Variants in CASK observed in about 807,000 individuals in gnomAD.
The protein encoded by CASK is calcium/calmodulin dependent serine protein kinase.
In CASK, 4 loss-of-function variants were observed where a neutral mutation model predicts 82.9. The observed-to-expected ratio is 0.05, with a 90% CI of 0.02 to 0.11. The LOEUF is 0.11. CASK is among the 10% of genes least tolerant of loss of function. The pLI is 1.00. For synonymous variants in CASK, 259 were observed against 253.5 expected, an observed-to-expected ratio of 1.02 and a Z score of -0.20; for missense variants, 358 against 720.9, an observed-to-expected ratio of 0.50 and a Z score of 5.76.
chrX:41,650,798 T>C (rs1471676534), intron 8 of CASK, among the ~76,000 whole-genome samples: 1 of 111,362 alleles, frequency 9.0e-6, no homozygotes, highest in Non-Finnish European at 1.9e-5. Flanking sequence ...TTTTCATATT[T>C]AAATTTCAAC....
At position 41,811,639 on chromosome X, in the gene CASK, G is replaced by A. The variant is rs2070289219; in HGVS notation, c.173-24356C>T. ...TAAATGCCCACAAGAGAAAGCAGGAGAGATCTAAAATTGACACCCTAATAT... is the reference window on the plus strand; with the variant it reads ...TAAATGCCCACAAGAGAAAGCAGGAAAGATCTAAAATTGACACCCTAATAT... On this transcript the variant is annotated intron_variant, in intron 2 of 26. Transcript: ENST00000378163. Among the ~76,000 whole-genome samples, 4 of 112,265 alleles carry A rather than the reference G, an allele frequency of 3.6e-5. No homozygotes were observed. In the Admixed American group the frequency reaches 3.8e-4, roughly 11 times the overall value.
At chrX:41,873,905 C>T (rs1041945239) in intron 1 of CASK, among the ~76,000 whole-genome samples, 3 of 107,920 alleles carry the variant, frequency 2.8e-5, no homozygotes, top group Non-Finnish European at 3.8e-5. Flanking sequence ...TTCTTCCTGC[C>T]TCAGCCTCCT....
chrX:41,611,858 C>A (rs1335010925), intron 11 of CASK, among the ~76,000 whole-genome samples: 1 of 111,076 alleles, frequency 9.0e-6, no homozygotes, highest in Non-Finnish European at 1.9e-5. Context: ...GCCGCCACGC[C>A]TGACTGGTTT....
chrX:41,723,923 T>C (rs1425233686), intron 5 of CASK, among the ~76,000 whole-genome samples: 3 of 111,756 alleles, frequency 2.7e-5, no homozygotes, highest in Non-Finnish European at 3.8e-5. Context: ...AAACTGGCCA[T>C]GGGGGATTAA....
chrX:41,811,380 C>T (rs2070282017), intron 2 of CASK, among the ~76,000 whole-genome samples: 1 of 112,548 alleles, frequency 8.9e-6, no homozygotes, highest in South Asian at 3.6e-4. Context: ...GAAATTATAA[C>T]AAACTGTCTC....
At chrX:41,592,077 C>A (rs1312509314) in intron 12 of CASK, among the ~76,000 whole-genome samples, 2 of 109,448 alleles carry the variant, frequency 1.8e-5, no homozygotes, top group East Asian at 5.8e-4. Context: ...ATGGCAAAAC[C>A]CTGTCTCTGC....
At chrX:41,612,755 G>A (rs1464813576) in intron 11 of CASK, among the ~76,000 whole-genome samples, 1 of 90,070 alleles carries the variant, frequency 1.1e-5, no homozygotes, top group Non-Finnish European at 2.2e-5. Context: ...GGGAGGTGGG[G>A]GGGGGTCAAC....
chrX:41,799,723 C>A (rs2069950175), intron 2 of CASK, among the ~76,000 whole-genome samples: 1 of 104,799 alleles, frequency 9.5e-6, no homozygotes, highest in Non-Finnish European at 1.9e-5. Context: ...AGCATTTATT[C>A]AATAGAATCT....
At chrX:41,709,492 T>C (rs2067938089) in intron 5 of CASK, among the ~76,000 whole-genome samples, 1 of 111,582 alleles carries the variant, frequency 9.0e-6, no homozygotes, top group Non-Finnish European at 1.9e-5. Context: ...AGAGTCCATA[T>C]AAAACAGTAA....
At chrX:41,729,130 T>C (rs969301671) in intron 5 of CASK, 4 of 123,586 alleles carry the variant, frequency 3.2e-5, no homozygotes, top group Non-Finnish European at 5.6e-5. Flanking sequence ...TGTAATAGTA[T>C]TGCAGTTAAG....
intron 2 of CASK, among the ~76,000 whole-genome samples, chrX:41,794,446 T>C (rs939518439): frequency 1.4e-4 from 16 of 112,288 alleles, no homozygotes; most frequent in African/African-American, 4.9e-4. Flanking sequence ...AAAGGTGCAA[T>C]TGCTCTGTTG....
intron 2 of CASK, among the ~76,000 whole-genome samples, chrX:41,845,115 T>C (rs1049084456): frequency 8.9e-6 from 1 of 112,075 alleles, no homozygotes; most frequent in Non-Finnish European, 1.9e-5. Context: ...CTATCCTAGA[T>C]AATGTTCTAT....
rs2068665784 is a variant in CASK, at chrX:41,745,119, A to G, written c.356+405T>C. On this transcript the variant is annotated intron_variant, in intron 4 of 26. Transcript: ENST00000378163. ...TGCAACCTCCACCTCCTGGGTTCAA[A>G]CGATTCTCCTGCGTCAGCCTTCCGA... 2.7e-5 allele frequency among the ~76,000 whole-genome samples: 3 copies of G among 111,673 alleles called. 1 individual carries two copies. The South Asian group carries it at 1.1e-3, about 42-fold the overall frequency.
At chrX:41,857,795 T>A (rs748532191) in intron 1 of CASK, among the ~76,000 whole-genome samples, 1 of 112,184 alleles carries the variant, frequency 8.9e-6, no homozygotes, top group African/African-American at 3.2e-5. Context: ...ATACACACAC[T>A]GCTGTGAAAT....
chrX:41,640,106 A>G (rs1453450381), intron 8 of CASK, among the ~76,000 whole-genome samples: 1 of 112,028 alleles, frequency 8.9e-6, no homozygotes, highest in Non-Finnish European at 1.9e-5. Context: ...TGCCTGGGCT[A>G]TATGATAGGA....
At chrX:41,753,906 T>A (rs1348308560) in intron 3 of CASK, among the ~76,000 whole-genome samples, 3 of 111,711 alleles carry the variant, frequency 2.7e-5, no homozygotes, top group Non-Finnish European at 5.7e-5. Context: ...AATAAATAAA[T>A]TTTAAAGCAA....
rs760979749 is a variant in CASK at position 41,676,126 on chromosome X, T to C, written c.430-4596A>G. 2.8e-5 allele frequency: 32 copies of C among 1,146,458 alleles called. No individual in the cohort carries two copies. In the South Asian group the frequency reaches 5.8e-4, roughly 21 times the overall value. 94.5% of individuals were successfully genotyped at this position (1,146,458 alleles called of 1,213,427 possible). A position where few individuals can be genotyped will look rare whatever the true frequency, so the allele number is the denominator to read the frequency against. ...CCTCTGCCAAGTAATGGTAGTAATC[T>C]CCTTTCATTTTCAAAGAGAAGACTT... On this transcript the variant is annotated intron_variant, in intron 5 of 26. Coordinates refer to ENST00000378163, the MANE Select transcript of CASK (RefSeq NM_001367721.1).
chrX:41,622,908 TCTCA>T (rs1177880036), intron 10 of CASK, among the ~76,000 whole-genome samples: 2 of 98,640 alleles, frequency 2.0e-5, no homozygotes, highest in African/African-American at 7.6e-5. Context: ...TGAGATGGGG[TCTCA>T]CTCTACCACC....
chrX:41,752,293 CT>C (rs778670499), intron 3 of CASK, among the ~76,000 whole-genome samples: 75 of 102,260 alleles, frequency 7.3e-4, no homozygotes, highest in South Asian at 8.8e-4. Context: ...AAAATTAGAA[CT>C]TTTTTTTTTT....
Sources: allele counts gnomAD v4.1 joint callset (sites outside exome capture counted in the v4.1 genomes callset), GRCh38; gene constraint gnomAD v4.1.1; transcripts MANE v1.5; gene names NCBI Gene and HGNC (gene_info 2026-07-23, HGNC 2026-07-21).